NDUFAF6: variants seen among roughly 807,000 people sequenced by gnomAD.
NDUFAF6 encodes the protein NADH:ubiquinone oxidoreductase complex assembly factor 6, also known as NADH dehydrogenase (ubiquinone) complex I, assembly factor 6.
Under a neutral mutation model 40.8 loss-of-function variants are expected in NDUFAF6, and 45 were observed. That is an observed-to-expected ratio of 1.10 (90% CI 0.87 to 1.42). The LOEUF is 1.42. Among genes scored for constraint, NDUFAF6 ranks in the 40% most tolerant of loss-of-function variants. The probability of loss-of-function intolerance (pLI) is 0.00; values close to 1 mark genes in which losing one functional copy is unlikely to be tolerated. For synonymous variants in NDUFAF6, 185 were observed against 155.9 expected (o/e 1.19, Z -1.39); for missense variants, 435 against 418.5 (o/e 1.04, Z -0.34).
chr8:94,995,606 GAA>G (rs1826392021), intron 2 of NDUFAF6, among the ~76,000 whole-genome samples: 1 of 150,594 alleles, frequency 6.6e-6, no homozygotes, highest in South Asian at 2.1e-4. Context: ...AAAAAAAAAA[GAA>G]TGGCCGACTT....
intron 2 of NDUFAF6, among the ~76,000 whole-genome samples, chr8:94,993,520 T>C (rs968531722): frequency 1.3e-5 from 2 of 152,238 alleles, no homozygotes; most frequent in Admixed American, 1.3e-4. Flanking sequence ...TTTCTACTTA[T>C]ACTTTCTTGG....
At chr8:94,930,527 G>A in intron 1 of NDUFAF6, 2 of 1,614,212 alleles carry the variant, frequency 1.2e-6, no homozygotes, top group Non-Finnish European at 8.5e-7. Context: ...CCCAGCCATT[G>A]TGCTTGACTT....
intron 2 of NDUFAF6, among the ~76,000 whole-genome samples, chr8:94,946,715 A>AAAAAAAAAAAAAAG (rs1482522605): frequency 6.7e-6 from 1 of 149,172 alleles, no homozygotes; most frequent in African/African-American, 2.4e-5. Context: ...AAAAAAAAAA[A>AAAAAAAAAAAAAAG]AAAAAGACAG....
Position 95,082,698 on chromosome 8 carries a change from C to T in NDUFAF6, n.213+6946C>T, listed in dbSNP as rs867797218. 3.9e-5 allele frequency among the ~76,000 whole-genome samples: 6 copies of T among 152,196 alleles called. No homozygotes were observed. In the East Asian group the frequency reaches 1.2e-3, roughly 29 times the overall value. ...TTTTTGAGACGGAGTCTCGCTCTGT[C>T]GCCCAGGCTGGAGTGCAGTGGCGGG... On this transcript the variant is annotated intron_variant and non_coding_transcript_variant, in intron 2 of 5. Transcript: ENST00000523184.
chr8:94,937,213 G>A (rs527630504), intron 1 of NDUFAF6, among the ~76,000 whole-genome samples: 4 of 152,136 alleles, frequency 2.6e-5, no homozygotes, highest in African/African-American at 7.2e-5. Flanking sequence ...AGGCAGAGGC[G>A]GTGGATCACC....
At chr8:94,959,373 A>G (rs1258327409) in intron 1 of NDUFAF6, among the ~76,000 whole-genome samples, 1 of 152,192 alleles carries the variant, frequency 6.6e-6, no homozygotes, top group Non-Finnish European at 1.5e-5. Flanking sequence ...AGGAGGAAGG[A>G]GGTCAATGGG....
chr8:94,984,064 T>G (rs996717764), intron 2 of NDUFAF6: 3 of 152,250 alleles, frequency 2.0e-5, no homozygotes, highest in Admixed American at 1.3e-4. Flanking sequence ...TTTTTCAGCC[T>G]GTCCAGCTTT....
downstream of NDUFAF6, among the ~76,000 whole-genome samples, chr8:95,105,066 CAGAG>C (rs55705930): frequency 0.029 from 2,077 of 72,484 alleles, 23 homozygotes; most frequent in African/African-American, 0.053. Flanking sequence ...CACACACACA[CAGAG>C]AGAGAGAGAG....
upstream of NDUFAF6, among the ~76,000 whole-genome samples, chr8:94,957,009 A>G (rs1823138840): frequency 6.6e-6 from 1 of 152,020 alleles, no homozygotes; most frequent in South Asian, 2.1e-4. Context: ...CATCTCTACT[A>G]AAAAATACAA....
downstream of NDUFAF6, among the ~76,000 whole-genome samples, chr8:95,078,241 A>G (rs1207539391): frequency 6.6e-6 from 1 of 152,150 alleles, no homozygotes; most frequent in African/African-American, 2.4e-5. Flanking sequence ...ATATGCTTGC[A>G]TGCATTGAGT....
chr8:94,979,007 G>T (rs1260583237), intron 1 of NDUFAF6, among the ~76,000 whole-genome samples: 1 of 152,150 alleles, frequency 6.6e-6, no homozygotes, highest in Non-Finnish European at 1.5e-5. Context: ...GGTGTTTGGG[G>T]TAGAATAAGC....
At chr8:94,964,402 C>A (rs559848559) in intron 1 of NDUFAF6, among the ~76,000 whole-genome samples, 57 of 144,364 alleles carry the variant, frequency 3.9e-4, no homozygotes, top group African/African-American at 1.5e-3. Flanking sequence ...GCACTCCAGC[C>A]TGGGCAACAG....
Position 95,047,042 on chromosome 8 carries a change from C to T in NDUFAF6, c.629C>T (p.Ala210Val). The change falls in exon 6 of 9, where the codon GCA becomes GTA. Residue 210 changes from alanine (A) to valine (V), a missense_variant. Physicochemically the swap from Ala to Val is moderately conservative, Grantham distance 64 (BLOSUM62 0). Coordinates refer to ENST00000396124, the MANE Select transcript of NDUFAF6 (RefSeq NM_152416.4). Reference protein sequence around the residue: ...ADHAASHIGKAQGIVTCLRAT... With the variant: ...ADHAASHIGKVQGIVTCLRAT... ...CATGCTGCAAGTCATATTGGAAAAG[C>T]ACAAGGCATTGTCACTTGCTTGAGA... 4 of 1,614,146 alleles carry T rather than the reference C, an allele frequency of 2.5e-6. No homozygotes were observed. The highest frequency in any genetic ancestry group is 3.4e-6 in the Non-Finnish European group (4 of 1,180,016).
chr8:95,099,611 G>T (rs907022406), upstream of NDUFAF6, among the ~76,000 whole-genome samples: 13 of 152,084 alleles, frequency 8.5e-5, no homozygotes, highest in East Asian at 1.5e-3. Flanking sequence ...GAAAGAAAAA[G>T]AATAAACAAA....
rs920683208 is a variant in NDUFAF6, at chr8:95,004,381, G to T, written c.-84+23408G>T. ...TTTTTTTTTTTTTTTTTGAGACCGG[G>T]TCTTGCTGTGTCACCCAAGCTGGAC... is the stretch of plus-strand genomic sequence containing the variant. On this transcript the variant is annotated intron_variant, in intron 2 of 9. Coordinates refer to the NDUFAF6 transcript ENST00000396111. Among the ~76,000 whole-genome samples the T allele has an allele frequency of 7.6e-5, 11 of 143,852 alleles. No individual in the cohort carries two copies. The South Asian group carries it at 2.4e-3, about 31-fold the overall frequency. The allele number at this position is 143,852 out of a possible 152,430, so 94.4% of individuals were successfully genotyped here.
chr8:94,963,283 C>G (rs1823750689), intron 1 of NDUFAF6, among the ~76,000 whole-genome samples: 1 of 152,196 alleles, frequency 6.6e-6, no homozygotes, highest in African/African-American at 2.4e-5. Flanking sequence ...GAGGCTTACT[C>G]TGTAGCTGAC....
intron 2 of NDUFAF6, among the ~76,000 whole-genome samples, chr8:95,088,254 A>T (rs1414019765): frequency 6.6e-6 from 1 of 152,180 alleles, no homozygotes; most frequent in East Asian, 1.9e-4. Flanking sequence ...CTGGCGCCCT[A>T]GAGTCCTGGT....
At chr8:95,032,124 T>C in intron 2 of NDUFAF6, 30 bp downstream of exon 2, 1 of 1,574,446 alleles carries the variant, frequency 6.4e-7, no homozygotes, top group Non-Finnish European at 8.7e-7. Context: ...AAAATATTAT[T>C]TGCGAAATGG....
At chr8:95,025,241 G>C (rs1234952786) in intron 1 of NDUFAF6, 36 bp downstream of exon 1, 1 of 1,363,530 alleles carries the variant, frequency 7.3e-7, no homozygotes. Context: ...GCGGCGGGAA[G>C]CGGGGTCCCG....
Sources: gnomAD v4.1 joint callset for allele counts (sites outside exome capture counted in the v4.1 genomes callset) on GRCh38, gnomAD v4.1.1 for gene constraint, MANE v1.5 for transcripts, NCBI Gene and HGNC (gene_info 2026-07-23, HGNC 2026-07-21) for gene names.